The following VPS13B variants were observed in gnomAD, a reference collection of about 807,000 sequenced individuals.
VPS13B encodes the protein vacuolar protein sorting 13 homolog B.
Under a neutral mutation model 426.4 loss-of-function variants are expected in VPS13B, and 285 were observed. The observed-to-expected ratio is 0.67, with a 90% CI of 0.61 to 0.74. The LOEUF is 0.74. Ranked by LOEUF, VPS13B falls within the 30% of genes least tolerant of loss-of-function variation. The pLI is 0.00. For synonymous variants in VPS13B, 1,676 were observed against 1,676.4 expected (o/e 1.00, Z 0.01); for missense variants, 4,537 against 4,782.6 (o/e 0.95, Z 1.51).
Position 99,481,772 on chromosome 8 carries a change from C to T in VPS13B, c.3840C>T (p.Ser1280=). 1 of 1,613,872 alleles carries T rather than the reference C, an allele frequency of 6.2e-7. No homozygotes were observed. Among genetic ancestry groups the T allele is most frequent in the Admixed American group, 1.7e-5 (1 of 60,012 alleles). ...CTCCTCCAGATACCAGCACATGCAG[C>T]CCATCTGCTGACATTGGGACTACTA... ...GTAPPDTSTC[S]PSADIGTTTE... The change falls in exon 25 of 62, where the codon AGC becomes AGT. Residue 1280 remains serine (S), a synonymous_variant. Coordinates refer to ENST00000357162, the MANE Select transcript of VPS13B (RefSeq NM_152564.5).
At chr8:99,117,831 A>T (rs1847749689) in intron 7 of VPS13B, among the ~76,000 whole-genome samples, 1 of 152,298 alleles carries the variant, frequency 6.6e-6, no homozygotes, top group South Asian at 2.1e-4. Flanking sequence ...TGGAATGATG[A>T]AAATGTTCTA....
chr8:99,751,265 C>T (rs936492931), intron 39 of VPS13B, among the ~76,000 whole-genome samples: 3 of 152,052 alleles, frequency 2.0e-5, no homozygotes, highest in Non-Finnish European at 4.4e-5. Flanking sequence ...CCATCAGAGT[C>T]AAAATCATGA....
chr8:99,143,928 T>G (rs1345815836), intron 13 of VPS13B, among the ~76,000 whole-genome samples: 1 of 152,078 alleles, frequency 6.6e-6, no homozygotes, highest in East Asian at 1.9e-4. Context: ...TATGACTAGG[T>G]TCTGTCTACT....
intron 30 of VPS13B, among the ~76,000 whole-genome samples, chr8:99,527,390 G>T (rs533738170): frequency 4.0e-4 from 61 of 152,154 alleles, no homozygotes; most frequent in African/African-American, 1.4e-3. Flanking sequence ...CGTAGCCCAG[G>T]TATGTATTGT....
chr8:99,191,957 G>A (rs1477991648), intron 16 of VPS13B, among the ~76,000 whole-genome samples: 1 of 152,146 alleles, frequency 6.6e-6, no homozygotes, highest in Non-Finnish European at 1.5e-5. Context: ...GTTACAGTTG[G>A]GAAAATGACA....
At chr8:99,795,899 T>TTAGG in intron 43 of VPS13B, among the ~76,000 whole-genome samples, 1 of 152,308 alleles carries the variant, frequency 6.6e-6, no homozygotes, top group African/African-American at 2.4e-5. Context: ...CATTCATTGT[T>TTAGG]TTATTTGTAA....
intron 17 of VPS13B, among the ~76,000 whole-genome samples, chr8:99,211,113 T>C (rs1323452510): frequency 2.6e-5 from 4 of 152,116 alleles, no homozygotes; most frequent in Non-Finnish European, 5.9e-5. Flanking sequence ...ACTACCATGA[T>C]TGTAAGATGA....
At chr8:99,833,942 C>T (rs750024615) in intron 52 of VPS13B, among the ~76,000 whole-genome samples, 1 of 152,222 alleles carries the variant, frequency 6.6e-6, no homozygotes, top group Non-Finnish European at 1.5e-5. Context: ...AAGAACTATA[C>T]TCTTAAAATG....
chr8:99,834,397 A>T (rs1815255034), intron 52 of VPS13B, among the ~76,000 whole-genome samples: 1 of 152,226 alleles, frequency 6.6e-6, no homozygotes, highest in South Asian at 2.1e-4. Context: ...GCTCCTGCTA[A>T]TCAAAATGTA....
At chr8:99,149,253 T>C (rs1055449100) in intron 14 of VPS13B, among the ~76,000 whole-genome samples, 12 of 152,260 alleles carry the variant, frequency 7.9e-5, no homozygotes, top group African/African-American at 2.9e-4. Flanking sequence ...GCTTAATATT[T>C]GTTTATGGTC....
intron 15 of VPS13B, among the ~76,000 whole-genome samples, chr8:99,168,678 G>A (rs887826883): frequency 6.6e-6 from 1 of 151,914 alleles, no homozygotes; most frequent in Non-Finnish European, 1.5e-5. Context: ...GAATGAATGT[G>A]AAATATCTTA....
At chr8:99,100,340 G>T (rs1482083525) in intron 4 of VPS13B, among the ~76,000 whole-genome samples, 1 of 152,140 alleles carries the variant, frequency 6.6e-6, no homozygotes, top group Non-Finnish European at 1.5e-5. Context: ...ACCCAGGCTG[G>T]AGTGTGATGG....
intron 56 of VPS13B, among the ~76,000 whole-genome samples, chr8:99,854,634 G>A (rs943268424): frequency 8.5e-5 from 13 of 152,088 alleles, no homozygotes; most frequent in Admixed American, 8.5e-4. Flanking sequence ...TTAGCAACTT[G>A]CAGGCACAGA....
At chr8:99,053,765 C>T (rs1246983517) in intron 3 of VPS13B, among the ~76,000 whole-genome samples, 1 of 148,702 alleles carries the variant, frequency 6.7e-6, no homozygotes, top group African/African-American at 2.5e-5. Flanking sequence ...TGCAGCGGTA[C>T]AGTTCCAGTT....
At chr8:99,252,851 G>A (rs1041919948) in intron 17 of VPS13B, among the ~76,000 whole-genome samples, 1 of 151,854 alleles carries the variant, frequency 6.6e-6, no homozygotes, top group Admixed American at 6.6e-5. Flanking sequence ...AACAGAAAAC[G>A]TATCATACAG....
intron 3 of VPS13B, among the ~76,000 whole-genome samples, chr8:99,079,087 C>T (rs983762767): frequency 2.6e-5 from 4 of 152,046 alleles, no homozygotes; most frequent in Non-Finnish European, 5.9e-5. Context: ...AGTCAGTCTC[C>T]AGGGCTCTGG....
At chr8:99,479,784 A>G (rs1202574097) in intron 24 of VPS13B, among the ~76,000 whole-genome samples, 4 of 152,248 alleles carry the variant, frequency 2.6e-5, no homozygotes, top group South Asian at 2.1e-4. Flanking sequence ...ATGTACTTCA[A>G]TTTGTTAACT....
At chr8:99,224,985 CT>C (rs1359146880) in intron 17 of VPS13B, among the ~76,000 whole-genome samples, 2 of 152,206 alleles carry the variant, frequency 1.3e-5, no homozygotes, top group African/African-American at 4.8e-5. Flanking sequence ...AGCTTTGATG[CT>C]GAGTCCGGTG....
chr8:99,737,032 A>G (rs974457556), intron 39 of VPS13B, among the ~76,000 whole-genome samples: 1 of 146,590 alleles, frequency 6.8e-6, no homozygotes, highest in Non-Finnish European at 1.5e-5. Flanking sequence ...GGATGGATAT[A>G]TACTTGTAGT....
Sources: gnomAD v4.1 joint callset for allele counts (sites outside exome capture counted in the v4.1 genomes callset) on GRCh38, gnomAD v4.1.1 for gene constraint, MANE v1.5 for transcripts, NCBI Gene and HGNC (gene_info 2026-07-23, HGNC 2026-07-21) for gene names.